The following FAM135B variants were observed in gnomAD, a reference collection of about 807,000 sequenced individuals.
FAM135B encodes protein FAM135B.
In FAM135B, 43 loss-of-function variants were observed where a neutral mutation model predicts 127.7. The ratio of observed to expected loss-of-function variants is 0.34; its 90% CI spans 0.26 to 0.43. The LOEUF (loss-of-function observed/expected upper bound fraction) is 0.43, where lower values mean the gene tolerates loss of function less well. FAM135B is among the 20% of genes least tolerant of loss of function. The pLI is 1.00. For synonymous variants in FAM135B, 670 were observed against 665.1 expected (o/e 1.01, Z -0.11); for missense variants, 1,558 against 1,725.6 (o/e 0.90, Z 1.72).
At chr8:138,267,584 A>C (rs1048298719) in intron 3 of FAM135B, among the ~76,000 whole-genome samples, 1 of 151,944 alleles carries the variant, frequency 6.6e-6, no homozygotes, top group Admixed American at 6.6e-5. Context: ...AAAAAAAAAA[A>C]AACAGCCCAA....
At chr8:138,299,060 AAAATAAATAAAT>A (rs372645406) in intron 3 of FAM135B, among the ~76,000 whole-genome samples, 3,393 of 136,138 alleles carry the variant, frequency 0.025, 80 homozygotes, top group African/African-American at 0.057. Flanking sequence ...ATTCAGTCTC[AAAATAAATAAAT>A]AAATAAATAA....
chr8:138,183,637 T>G (rs1040026072), intron 9 of FAM135B, among the ~76,000 whole-genome samples: 1 of 152,240 alleles, frequency 6.6e-6, no homozygotes, highest in Non-Finnish European at 1.5e-5. Flanking sequence ...GAATTTATTT[T>G]TCCTTCCGAT....
chr8:138,426,022 T>TAC (rs1335527405), intron 1 of FAM135B, among the ~76,000 whole-genome samples: 1,626 of 18,144 alleles, frequency 0.09, 141 homozygotes, highest in Admixed American at 0.31. Flanking sequence ...TACACACACA[T>TAC]ACATATACAC....
At chr8:138,428,579 G>C (rs1321582034) in intron 1 of FAM135B, among the ~76,000 whole-genome samples, 1 of 152,056 alleles carries the variant, frequency 6.6e-6, no homozygotes, top group Non-Finnish European at 1.5e-5. Context: ...AGCACAGAGA[G>C]GTCAAGCAAT....
At chr8:138,135,927 A>G (rs1198380474) in intron 19 of FAM135B, among the ~76,000 whole-genome samples, 1 of 152,156 alleles carries the variant, frequency 6.6e-6, no homozygotes, top group African/African-American at 2.4e-5. Flanking sequence ...AACATTTATC[A>G]TGAACACACA....
intron 1 of FAM135B, among the ~76,000 whole-genome samples, chr8:138,446,239 T>C (rs1836151848): frequency 6.6e-6 from 1 of 152,158 alleles, no homozygotes; most frequent in Admixed American, 6.5e-5. Flanking sequence ...CCAAGGTAAT[T>C]TATAGATTCA....
intron 1 of FAM135B, among the ~76,000 whole-genome samples, chr8:138,392,981 G>A (rs564383056): frequency 6.6e-6 from 1 of 152,274 alleles, no homozygotes; most frequent in East Asian, 1.9e-4. Flanking sequence ...GTTTTAATTG[G>A]ACTTAAAGTT....
chr8:138,319,649 A>T (rs2130937034), intron 2 of FAM135B, among the ~76,000 whole-genome samples: 1 of 152,288 alleles, frequency 6.6e-6, no homozygotes, highest in Non-Finnish European at 1.5e-5. Context: ...TAACAAAAAT[A>T]GTCATCCTTT....
intron 1 of FAM135B, among the ~76,000 whole-genome samples, chr8:138,445,031 G>C (rs1056851153): frequency 2.0e-5 from 3 of 151,478 alleles, no homozygotes; most frequent in Non-Finnish European, 4.4e-5. Flanking sequence ...ACACCTCTAC[G>C]CAAATAAACT....
At chr8:138,422,637 T>A (rs956784710) in intron 1 of FAM135B, among the ~76,000 whole-genome samples, 3 of 152,130 alleles carry the variant, frequency 2.0e-5, no homozygotes, top group African/African-American at 4.8e-5. Context: ...GTTTATACAC[T>A]GCTGATGGTA....
At chr8:138,343,909 T>C (rs1340742610) in intron 2 of FAM135B, among the ~76,000 whole-genome samples, 1 of 152,222 alleles carries the variant, frequency 6.6e-6, no homozygotes, top group Non-Finnish European at 1.5e-5. Context: ...TAGGAGCTCC[T>C]TTCTTTCCAT....
At chr8:138,391,125 G>A (rs969115640) in intron 1 of FAM135B, among the ~76,000 whole-genome samples, 13 of 58,152 alleles carry the variant, frequency 2.2e-4, no homozygotes, top group East Asian at 4.4e-4. Flanking sequence ...ACCACCACCC[G>A]ACTGCTCCCT....
At chr8:138,451,778 G>A (rs992895510) in intron 1 of FAM135B, among the ~76,000 whole-genome samples, 11 of 152,180 alleles carry the variant, frequency 7.2e-5, no homozygotes, top group Admixed American at 7.2e-4. Flanking sequence ...GTCCCCAACA[G>A]TGCCTGACAC....
intron 12 of FAM135B, among the ~76,000 whole-genome samples, chr8:138,162,781 G>A (rs928374775): frequency 2.6e-5 from 4 of 152,210 alleles, no homozygotes; most frequent in Non-Finnish European, 5.9e-5. Context: ...TCATTCCCAC[G>A]TGGATGGAAC....
intron 1 of FAM135B, among the ~76,000 whole-genome samples, chr8:138,390,265 T>C (rs992857671): frequency 6.6e-6 from 1 of 152,298 alleles, no homozygotes; most frequent in South Asian, 2.1e-4. Flanking sequence ...GGGAGGGAAC[T>C]GGTGGGAGGT....
intron 1 of FAM135B, among the ~76,000 whole-genome samples, chr8:138,447,290 C>T (rs1239581154): frequency 1.3e-5 from 2 of 152,072 alleles, no homozygotes; most frequent in Non-Finnish European, 1.5e-5. Context: ...TTTGACCCAG[C>T]CATCCCATTA....
At chr8:138,406,417 G>C (rs971766187) in intron 1 of FAM135B, among the ~76,000 whole-genome samples, 2 of 151,702 alleles carry the variant, frequency 1.3e-5, no homozygotes, top group South Asian at 2.1e-4. Context: ...TATGAGGCCA[G>C]CATCATCCTG....
At chr8:138,350,497 AAC>A (rs59686476) in intron 2 of FAM135B, among the ~76,000 whole-genome samples, 4,683 of 147,596 alleles carry the variant, frequency 0.032, 136 homozygotes, top group African/African-American at 0.075. Flanking sequence ...GGTTTTCTAC[AAC>A]ACACACACAC....
chr8:138,253,928 C>G (rs1246089422), intron 5 of FAM135B, among the ~76,000 whole-genome samples: 1 of 152,216 alleles, frequency 6.6e-6, no homozygotes, highest in African/African-American at 2.4e-5. Flanking sequence ...CATTTTCAAT[C>G]TTTCCCAGCC....
Sources: allele counts gnomAD v4.1 joint callset (sites outside exome capture counted in the v4.1 genomes callset), GRCh38; gene constraint gnomAD v4.1.1; transcripts MANE v1.5; gene names NCBI Gene and HGNC (gene_info 2026-07-23, HGNC 2026-07-21).